The following PXDNL variants were observed in gnomAD, a reference collection of about 807,000 sequenced individuals.
PXDNL encodes the protein probable oxidoreductase PXDNL.
In PXDNL, 145 loss-of-function variants were observed where a neutral mutation model predicts 150.8. The observed-to-expected ratio is 0.96, with a 90% CI of 0.84 to 1.10. The LOEUF is 1.10. Ranked by LOEUF, PXDNL falls within the 50% of genes least tolerant of loss-of-function variation. PXDNL has a pLI of 0.00. For missense variants in PXDNL, 2,087 were observed against 1,873.9 expected (o/e 1.11, Z -2.10); for synonymous variants, 757 against 725.7 (o/e 1.04, Z -0.69).
chr8:51,516,007 G>A (rs2979127), intron 4 of PXDNL, among the ~76,000 whole-genome samples: 32,478 of 152,018 alleles, frequency 0.21, 4,000 homozygotes, highest in African/African-American at 0.34. Context: ...TCAATTTCGA[G>A]TCATAACTGA....
Position 51,712,270 on chromosome 8 carries a change from A to C in PXDNL, c.165-57510T>G, listed in dbSNP as rs535391727. Among the ~76,000 whole-genome samples, 39 of 152,258 alleles carry C rather than the reference A, an allele frequency of 2.6e-4. 1 individual carries two copies. The South Asian group carries it at 7.9e-3, about 31-fold the overall frequency. On this transcript the variant is annotated intron_variant, in intron 1 of 22. Coordinates refer to ENST00000356297, the MANE Select transcript of PXDNL (RefSeq NM_144651.5). ...TGTAAGTTTCAACCTTTAAGACCAA[A>C]AGGGTCCATTTCTGTGTTTATCTAA...
chr8:51,764,129 T>C (rs1252932472), intron 1 of PXDNL, among the ~76,000 whole-genome samples: 2 of 152,210 alleles, frequency 1.3e-5, no homozygotes, highest in South Asian at 2.1e-4. Flanking sequence ...TTTATTTCTA[T>C]AATTTCAGAA....
chr8:51,408,193 CT>C lies in PXDNL; in HGVS notation c.3430del (p.Arg1144GlyfsTer19), dbSNP rs1465836761. ...AVDSAATIIQ[R>X]GRDHGIPPYV... Reference sequence around the variant, plus strand: ...TGGTGGGATCCCGTGGTCTCTACCCCTTTGAATGATGGTGGCAGCCGAATCC... The same window carrying C: ...TGGTGGGATCCCGTGGTCTCTACCCCTTGAATGATGGTGGCAGCCGAATCC... On this transcript the variant is annotated frameshift_variant, in exon 17 of 23. Coordinates refer to ENST00000356297, the MANE Select transcript of PXDNL (RefSeq NM_144651.5). LOFTEE classifies it high-confidence loss of function. The C allele has an allele frequency of 1.2e-6, 2 of 1,614,026 alleles. No homozygotes were observed. The highest frequency in any genetic ancestry group is 1.7e-6 in the Non-Finnish European group (2 of 1,179,906).
intron 1 of PXDNL, among the ~76,000 whole-genome samples, chr8:51,675,283 AG>A (rs1177616042): frequency 2.0e-5 from 3 of 152,154 alleles, no homozygotes; most frequent in Non-Finnish European, 4.4e-5. Context: ...TTTGTGGATG[AG>A]ATTAAGGCCC....
chr8:51,449,462 A>G (rs372000964), intron 10 of PXDNL, among the ~76,000 whole-genome samples: 10 of 152,242 alleles, frequency 6.6e-5, no homozygotes, highest in African/African-American at 2.4e-4. Flanking sequence ...ACTTTAAACT[A>G]TTAACAAAAC....
At chr8:51,782,868 G>T (rs1452408109) in intron 1 of PXDNL, among the ~76,000 whole-genome samples, 1 of 152,164 alleles carries the variant, frequency 6.6e-6, no homozygotes, top group Non-Finnish European at 1.5e-5. Context: ...TCCTGAATAT[G>T]TCAGACTGTT....
At chr8:51,624,654 C>T (rs1037631171) in intron 2 of PXDNL, among the ~76,000 whole-genome samples, 1 of 148,100 alleles carries the variant, frequency 6.8e-6, no homozygotes, top group African/African-American at 2.5e-5. Flanking sequence ...ACATGTCTTT[C>T]TGATGATATA....
At chr8:51,770,366 T>C (rs1429849558) in intron 1 of PXDNL, among the ~76,000 whole-genome samples, 3 of 152,220 alleles carry the variant, frequency 2.0e-5, no homozygotes, top group Non-Finnish European at 4.4e-5. Flanking sequence ...AGTCTTGGCC[T>C]TCATGGAGCT....
At chr8:51,466,391 A>G (rs1443938085) in intron 8 of PXDNL, among the ~76,000 whole-genome samples, 1 of 152,160 alleles carries the variant, frequency 6.6e-6, no homozygotes, top group African/African-American at 2.4e-5. Flanking sequence ...ATATACAAAA[A>G]TCAACTCAGG....
intron 17 of PXDNL, among the ~76,000 whole-genome samples, chr8:51,394,556 C>A (rs1808019394): frequency 6.6e-6 from 1 of 152,104 alleles, no homozygotes; most frequent in African/African-American, 2.4e-5. Context: ...GCTAGTATAC[C>A]CTTGGACTTT....
At chr8:51,467,057 T>C (rs1810220071) in intron 8 of PXDNL, among the ~76,000 whole-genome samples, 2 of 152,012 alleles carry the variant, frequency 1.3e-5, no homozygotes, top group Non-Finnish European at 2.9e-5. Context: ...CAAAGAAAAA[T>C]AAATCCTTCT....
intron 5 of PXDNL, among the ~76,000 whole-genome samples, chr8:51,490,727 AGTGTGTGTGTGTGT>A (rs35415972): frequency 2.7e-5 from 4 of 147,232 alleles, no homozygotes; most frequent in Non-Finnish European, 4.5e-5. Flanking sequence ...TTGACTTTCT[AGTGTGTGTGTGTGT>A]GTGTGTGTGT....
chr8:51,321,394 TA>T (rs1290942286), intron 21 of PXDNL, among the ~76,000 whole-genome samples: 2 of 152,282 alleles, frequency 1.3e-5, no homozygotes, highest in East Asian at 3.9e-4. Context: ...TATAAGCCTT[TA>T]GATAATAACG....
chr8:51,524,354 T>TTGTAG (rs1373637260), intron 4 of PXDNL, among the ~76,000 whole-genome samples: 1 of 152,232 alleles, frequency 6.6e-6, no homozygotes, highest in Non-Finnish European at 1.5e-5. Context: ...GAGAAACATG[T>TTGTAG]TGTAGAACTT....
intron 2 of PXDNL, among the ~76,000 whole-genome samples, chr8:51,623,349 A>G (rs757666346): frequency 2.0e-5 from 3 of 152,210 alleles, no homozygotes; most frequent in Non-Finnish European, 4.4e-5. Context: ...TAATAGTAGT[A>G]CCACAAGGAA....
intron 12 of PXDNL, chr8:51,435,708 CAGAGGAGGTGGAAGA>C (rs1348789095): frequency 3.3e-6 from 1 of 307,548 alleles, no homozygotes; most frequent in Non-Finnish European, 6.6e-6. Flanking sequence ...GGCACCACCG[CAGAGGAGGTGGAAGA>C]AGAAGATAGA....
At chr8:51,466,450 A>G (rs1284440077) in intron 8 of PXDNL, among the ~76,000 whole-genome samples, 1 of 152,184 alleles carries the variant, frequency 6.6e-6, no homozygotes, top group Non-Finnish European at 1.5e-5. Context: ...AAATTTTAGA[A>G]AACCTAAGAA....
chr8:51,735,879 C>G (rs919912611), intron 1 of PXDNL, among the ~76,000 whole-genome samples: 1 of 152,160 alleles, frequency 6.6e-6, no homozygotes, highest in Admixed American at 6.5e-5. Flanking sequence ...AATTCTTCAA[C>G]TTAATAGCCT....
intron 17 of PXDNL, among the ~76,000 whole-genome samples, chr8:51,375,599 C>A (rs536797527): frequency 6.6e-6 from 1 of 152,306 alleles, no homozygotes; most frequent in Admixed American, 6.5e-5. Context: ...TGTGTGGTTG[C>A]ATATATTTGT....
Sources: allele counts gnomAD v4.1 joint callset (sites outside exome capture counted in the v4.1 genomes callset), GRCh38; gene constraint gnomAD v4.1.1; transcripts MANE v1.5; gene names NCBI Gene and HGNC (gene_info 2026-07-23, HGNC 2026-07-21).